ANGPT1: variants seen among roughly 807,000 people sequenced by gnomAD.
ANGPT1 encodes angiopoietin-1.
ANGPT1 carries 17 observed loss-of-function variants against 62.2 expected under a neutral mutation model. The ratio of observed to expected loss-of-function variants is 0.27; its 90% CI spans 0.19 to 0.41. The LOEUF (loss-of-function observed/expected upper bound fraction) is 0.41, where lower values mean the gene tolerates loss of function less well. Among genes scored for constraint, ANGPT1 ranks in the 10% least tolerant of loss-of-function variants. The pLI, the probability that ANGPT1 is intolerant of heterozygous loss-of-function variation, is 1.00. For synonymous variants in ANGPT1, 199 were observed against 198.9 expected (o/e 1.00, Z 0.00); for missense variants, 478 against 594.9 (o/e 0.80, Z 2.04).
At chr8:107,387,881 T>C (rs2436564) in intron 1 of ANGPT1, among the ~76,000 whole-genome samples, 38,733 of 151,860 alleles carry the variant, frequency 0.26, 5,318 homozygotes, top group East Asian at 0.58. Flanking sequence ...TTCTTTGAAG[T>C]AAATAAGTAA....
rs1373833134 is a variant in ANGPT1, at chr8:107,477,959, C to A, written c.297+19303G>T. Among the ~76,000 whole-genome samples, 6 of 151,078 alleles carry A rather than the reference C, an allele frequency of 4.0e-5. No homozygotes were observed. The East Asian group carries it at 1.2e-3, about 29-fold the overall frequency. On this transcript the variant is annotated intron_variant, in intron 1 of 8. Coordinates refer to ENST00000517746, the MANE Select transcript of ANGPT1 (RefSeq NM_001146.5). The stretch of plus-strand genomic sequence containing the variant: ...GTATAAAATGAATAAATGACCATGA[C>A]ATGAGTAAAGTAAATTGAGAGCTGG...
At chr8:107,453,505 A>T (rs988351287) in intron 1 of ANGPT1, among the ~76,000 whole-genome samples, 1 of 151,862 alleles carries the variant, frequency 6.6e-6, no homozygotes, top group Non-Finnish European at 1.5e-5. Context: ...TTATAAAACC[A>T]TCTGATCTCG....
chr8:107,405,366 A>G (rs890808753), intron 1 of ANGPT1, among the ~76,000 whole-genome samples: 21 of 152,062 alleles, frequency 1.4e-4, no homozygotes, highest in Non-Finnish European at 2.7e-4. Context: ...TTATATTGCA[A>G]GTTGAACATC....
chr8:107,266,486 G>A (rs918579529), intron 7 of ANGPT1, among the ~76,000 whole-genome samples: 1 of 152,186 alleles, frequency 6.6e-6, no homozygotes, highest in South Asian at 2.1e-4. Flanking sequence ...GTTTGGTGAA[G>A]ACAGAATCAG....
intron 1 of ANGPT1, among the ~76,000 whole-genome samples, chr8:107,426,065 C>T (rs1015815723): frequency 6.6e-6 from 1 of 151,906 alleles, no homozygotes; most frequent in Non-Finnish European, 1.5e-5. Flanking sequence ...AGTTACTGGA[C>T]TTCTGGGGAC....
intron 3 of ANGPT1, among the ~76,000 whole-genome samples, chr8:107,327,659 T>C (rs1815320995): frequency 6.6e-6 from 1 of 152,156 alleles, no homozygotes; most frequent in South Asian, 2.1e-4. Context: ...CACCTAAATC[T>C]ATACAAATTG....
At chr8:107,446,215 C>A (rs1811615089) in intron 1 of ANGPT1, among the ~76,000 whole-genome samples, 1 of 152,130 alleles carries the variant, frequency 6.6e-6, no homozygotes, top group African/African-American at 2.4e-5. Flanking sequence ...CCACGCCCGG[C>A]CAATAGTGTA....
At chr8:107,405,300 T>C (rs1177838810) in intron 1 of ANGPT1, among the ~76,000 whole-genome samples, 2 of 151,992 alleles carry the variant, frequency 1.3e-5, no homozygotes, top group Non-Finnish European at 2.9e-5. Context: ...TCTATATTTT[T>C]AATATTCTTT....
intron 2 of ANGPT1, among the ~76,000 whole-genome samples, chr8:107,337,149 C>T (rs1382406279): frequency 6.6e-6 from 1 of 152,118 alleles, no homozygotes; most frequent in African/African-American, 2.4e-5. Flanking sequence ...CAGACAGAAG[C>T]CCAAGTTCAC....
intron 7 of ANGPT1, among the ~76,000 whole-genome samples, chr8:107,266,822 G>A (rs1407685142): frequency 6.6e-6 from 1 of 151,998 alleles, no homozygotes; most frequent in African/African-American, 2.4e-5. Flanking sequence ...TGAATACATA[G>A]TTTATACTTT....
intron 1 of ANGPT1, among the ~76,000 whole-genome samples, chr8:107,490,103 C>T (rs151049312): frequency 6.4e-4 from 97 of 152,292 alleles, no homozygotes; most frequent in African/African-American, 2.2e-3. Flanking sequence ...GAGCTACCCA[C>T]TTATCGCTCC....
At position 107,375,606 on chromosome 8, in the gene ANGPT1, C is replaced by T. The variant is rs546581862; in HGVS notation, c.298-28509G>A. Among the ~76,000 whole-genome samples, 4 of 152,278 alleles carry T rather than the reference C, an allele frequency of 2.6e-5. No homozygotes were observed. In the East Asian group the frequency reaches 5.8e-4, roughly 22 times the overall value. ...AGACAGACCTGATATGTGTATTGAG[C>T]ACACATGAGTGAAGGCAAGAAGAGT... On this transcript the variant is annotated intron_variant, in intron 1 of 8. Transcript: ENST00000517746.
In ANGPT1 at chr8:107,337,378, T is replaced by A. The variant is rs1321957936; in HGVS notation, c.454-1107A>T. ...GAAACTGTGAAGGCTCAATTCATCT[T>A]GAATCACAATGACCCATGTGTCCAG... On this transcript the variant is annotated intron_variant, in intron 2 of 8. Coordinates refer to ENST00000517746, the MANE Select transcript of ANGPT1 (RefSeq NM_001146.5). 2.0e-5 allele frequency among the ~76,000 whole-genome samples: 3 copies of A among 152,158 alleles called. No homozygotes were observed. The East Asian group carries it at 5.8e-4, about 29-fold the overall frequency.
intron 2 of ANGPT1, among the ~76,000 whole-genome samples, chr8:107,345,431 A>G (rs1343761723): frequency 1.3e-5 from 2 of 152,064 alleles, no homozygotes; most frequent in Non-Finnish European, 2.9e-5. Flanking sequence ...TTTTTTTCCC[A>G]CAACTCCAAC....
intron 1 of ANGPT1, among the ~76,000 whole-genome samples, chr8:107,414,313 A>C (rs966264258): frequency 1.3e-5 from 2 of 152,160 alleles, no homozygotes; most frequent in Non-Finnish European, 2.9e-5. Context: ...TATATTTCAA[A>C]ATAGTCAAAA....
chr8:107,397,782 T>A (rs182446823), intron 1 of ANGPT1, among the ~76,000 whole-genome samples: 2 of 152,262 alleles, frequency 1.3e-5, no homozygotes, highest in African/African-American at 2.4e-5. Context: ...CTGGGGTCTG[T>A]TGAGGTCATA....
At chr8:107,388,745 G>A (rs1259914352) in intron 1 of ANGPT1, among the ~76,000 whole-genome samples, 1 of 152,136 alleles carries the variant, frequency 6.6e-6, no homozygotes, top group Admixed American at 6.6e-5. Flanking sequence ...TAGTGGCAGA[G>A]CCGAATTGAT....
intron 6 of ANGPT1, among the ~76,000 whole-genome samples, chr8:107,286,255 T>G (rs907135929): frequency 4.6e-5 from 7 of 152,182 alleles, no homozygotes; most frequent in Non-Finnish European, 7.3e-5. Context: ...TAAAATGTTA[T>G]GCAAATAAGT....
intron 1 of ANGPT1, among the ~76,000 whole-genome samples, chr8:107,421,730 A>G (rs1397569473): frequency 2.6e-5 from 4 of 152,196 alleles, no homozygotes; most frequent in Non-Finnish European, 5.9e-5. Flanking sequence ...CAGGGAACAC[A>G]ATGCTTCGTG....
Sources: gnomAD v4.1 joint callset for allele counts (sites outside exome capture counted in the v4.1 genomes callset) on GRCh38, gnomAD v4.1.1 for gene constraint, MANE v1.5 for transcripts, NCBI Gene and HGNC (gene_info 2026-07-23, HGNC 2026-07-21) for gene names.